GPR39: variants seen among roughly 807,000 people sequenced by gnomAD.
GPR39 encodes G protein-coupled receptor 39, also known as zinc sensing receptor.
A neutral mutation model predicts 18.4 loss-of-function variants in GPR39; 23 were observed. The observed-to-expected ratio is 1.25, with a 90% CI of 0.90 to 1.77. The LOEUF (loss-of-function observed/expected upper bound fraction) is 1.77, where lower values mean the gene tolerates loss of function less well. GPR39 is among the 40% of genes most tolerant of loss of function. The pLI, the probability that GPR39 is intolerant of heterozygous loss-of-function variation, is 0.00. For synonymous variants in GPR39, 280 were observed against 257.9 expected (o/e 1.09, Z -0.82); for missense variants, 647 against 602.4 (o/e 1.07, Z -0.78).
Position 132,430,747 on chromosome 2 carries a change from G to A in GPR39, c.856+12849G>A, listed in dbSNP as rs60780664. Among the ~76,000 whole-genome samples the A allele has an allele frequency of 2.5e-3, 374 of 152,284 alleles. 2 individuals are homozygous for A. Among genetic ancestry groups the A allele is most frequent in the African/African-American group, 8.5e-3 (355 of 41,558 alleles). On this transcript the variant is annotated intron_variant, in intron 1 of 1. Transcript: ENST00000329321. The stretch of plus-strand genomic sequence containing the variant: ...GTCAAGACTGCATGCAGTGAGAGGC[G>A]TGGTCCCCAAAGGAGACCCATGTTC...
intron 1 of GPR39, among the ~76,000 whole-genome samples, chr2:132,545,900 G>A (rs1344256534): frequency 3.9e-5 from 6 of 152,180 alleles, no homozygotes; most frequent in Non-Finnish European, 7.3e-5. Context: ...GTCAACTAGT[G>A]TGGAGGACCC....
At chr2:132,461,540 G>A (rs1680831504) in intron 1 of GPR39, among the ~76,000 whole-genome samples, 1 of 152,200 alleles carries the variant, frequency 6.6e-6, no homozygotes, top group Non-Finnish European at 1.5e-5. Flanking sequence ...CACAACAGCT[G>A]TAATCATTTT....
chr2:132,466,108 C>A (rs1051809659), intron 1 of GPR39, among the ~76,000 whole-genome samples: 11 of 152,126 alleles, frequency 7.2e-5, no homozygotes, highest in African/African-American at 2.7e-4. Context: ...GCTTAGCATA[C>A]TCTTGAGCTT....
At chr2:132,418,009 T>TAGG in intron 1 of GPR39, 111 bp downstream of exon 1, 1 of 1,332,226 alleles carries the variant, frequency 7.5e-7, no homozygotes, top group East Asian at 2.3e-5. Context: ...AATTGCACAC[T>TAGG]TAAGTTTACT....
chr2:132,515,393 G>A (rs1174807155), intron 1 of GPR39, among the ~76,000 whole-genome samples: 2 of 152,178 alleles, frequency 1.3e-5, no homozygotes, highest in Non-Finnish European at 2.9e-5. Context: ...CTAAAACAGG[G>A]CCTGGAGAAT....
chr2:132,533,887 C>T (rs1306076879), intron 1 of GPR39, among the ~76,000 whole-genome samples: 1 of 152,178 alleles, frequency 6.6e-6, no homozygotes, highest in African/African-American at 2.4e-5. Context: ...ACCATAAAAA[C>T]CCTAGAAGAA....
At chr2:132,638,031 T>G (rs1266300251) in intron 1 of GPR39, among the ~76,000 whole-genome samples, 1 of 151,918 alleles carries the variant, frequency 6.6e-6, no homozygotes, top group African/African-American at 2.4e-5. Context: ...GAGATGTGAT[T>G]GCTTTACATA....
intron 1 of GPR39, among the ~76,000 whole-genome samples, chr2:132,557,866 G>T (rs1025278630): frequency 6.6e-6 from 1 of 152,162 alleles, no homozygotes; most frequent in Non-Finnish European, 1.5e-5. Flanking sequence ...TGCCGCCCGG[G>T]GGGGCTGTAA....
chr2:132,475,580 C>A (rs780220038), intron 1 of GPR39, among the ~76,000 whole-genome samples: 13 of 151,952 alleles, frequency 8.6e-5, no homozygotes, highest in Non-Finnish European at 1.8e-4. Flanking sequence ...ACGAATACCC[C>A]CACACCAGGT....
intron 1 of GPR39, among the ~76,000 whole-genome samples, chr2:132,588,562 G>A (rs941418492): frequency 5.3e-5 from 8 of 152,164 alleles, no homozygotes; most frequent in Non-Finnish European, 1.2e-4. Context: ...GTGGGGCCTG[G>A]GCTGCTGGGA....
At chr2:132,483,869 A>G (rs1409156162) in intron 1 of GPR39, among the ~76,000 whole-genome samples, 1 of 152,168 alleles carries the variant, frequency 6.6e-6, no homozygotes, top group East Asian at 1.9e-4. Context: ...TAGATAGAGG[A>G]TACTGCAAAA....
intron 1 of GPR39, among the ~76,000 whole-genome samples, chr2:132,556,140 A>G (rs1680147935): frequency 6.6e-6 from 1 of 152,216 alleles, no homozygotes; most frequent in Non-Finnish European, 1.5e-5. Flanking sequence ...CAATGCAAAT[A>G]CATCCTTGGC....
intron 1 of GPR39, among the ~76,000 whole-genome samples, chr2:132,644,619 G>T (rs1445066536): frequency 6.6e-6 from 1 of 152,038 alleles, no homozygotes; most frequent in Non-Finnish European, 1.5e-5. Context: ...GTTGCCAAAG[G>T]GACACTTCTT....
Position 132,435,237 on chromosome 2 carries a change from C to T in GPR39, c.856+17339C>T, listed in dbSNP as rs188745569. Among the ~76,000 whole-genome samples the T allele has an allele frequency of 4.7e-3, 720 of 152,202 alleles. 4 individuals are homozygous for T. Among genetic ancestry groups the T allele is most frequent in the African/African-American group, 0.016 (666 of 41,538 alleles). ...GAGTGTGCCTGCCTCTCCTGCTCCC[C>T]GCACACCTCCTTCACCCCTTCTGCC... On this transcript the variant is annotated intron_variant, in intron 1 of 1. Transcript: ENST00000329321.
chr2:132,587,782 G>T (rs888488365), intron 1 of GPR39, among the ~76,000 whole-genome samples: 12 of 152,122 alleles, frequency 7.9e-5, no homozygotes, highest in Admixed American at 2.6e-4. Context: ...TGATCCACCC[G>T]CCTCAGCCTC....
chr2:132,559,620 A>G (rs546923040), intron 1 of GPR39, among the ~76,000 whole-genome samples: 1 of 152,190 alleles, frequency 6.6e-6, no homozygotes, highest in South Asian at 2.1e-4. Context: ...GTAGTCAGAG[A>G]GGAGCTAACA....
intron 1 of GPR39, among the ~76,000 whole-genome samples, chr2:132,525,148 T>C (rs1558826335): frequency 6.6e-6 from 1 of 152,208 alleles, no homozygotes; most frequent in Non-Finnish European, 1.5e-5. Flanking sequence ...GTGGGTTTTC[T>C]TTCCCACTTC....
rs527663995 is a variant in GPR39 at position 132,606,780 on chromosome 2, A to C, written c.857-38321A>C. 2.0e-5 allele frequency among the ~76,000 whole-genome samples: 3 copies of C among 152,282 alleles called. No homozygotes were observed. The East Asian group carries it at 5.8e-4, about 29-fold the overall frequency. Reference sequence around the variant, plus strand: ...TTGAAGGTGGCTCTTAGCAAGATGGATGGGGAGCTGGTAGGGGGACAGAGC... The same window carrying C: ...TTGAAGGTGGCTCTTAGCAAGATGGCTGGGGAGCTGGTAGGGGGACAGAGC... On this transcript the variant is annotated intron_variant, in intron 1 of 1. Coordinates refer to ENST00000329321, the MANE Select transcript of GPR39 (RefSeq NM_001508.3).
At chr2:132,590,067 A>G (rs1573685108) in intron 1 of GPR39, among the ~76,000 whole-genome samples, 1 of 152,196 alleles carries the variant, frequency 6.6e-6, no homozygotes, top group East Asian at 1.9e-4. Context: ...GTAGAATTAA[A>G]CTTCAAACAG....
Sources: allele counts gnomAD v4.1 joint callset (sites outside exome capture counted in the v4.1 genomes callset), GRCh38; gene constraint gnomAD v4.1.1; transcripts MANE v1.5; gene names NCBI Gene and HGNC (gene_info 2026-07-23, HGNC 2026-07-21).